ASB18: variants seen among roughly 807,000 people sequenced by gnomAD.
The protein encoded by ASB18 is ankyrin repeat and SOCS box containing 18, also known as ankyrin repeat and SOCS box protein 18.
A neutral mutation model predicts 33.4 loss-of-function variants in ASB18; 33 were observed. The observed-to-expected ratio is 0.99, with a 90% CI of 0.75 to 1.32. The LOEUF is 1.32. Ranked by LOEUF, ASB18 falls within the 40% of genes most tolerant of loss-of-function variation. The pLI, the probability that ASB18 is intolerant of heterozygous loss-of-function variation, is 0.00. For missense variants in ASB18, 694 were observed against 655.5 expected (o/e 1.06, Z -0.64); for synonymous variants, 295 against 307.6 (o/e 0.96, Z 0.43).
In ASB18 at chr2:236,193,723, G is replaced by A. The variant is rs1202407840; in HGVS notation, c.*1149C>T. Among the ~76,000 whole-genome samples the A allele has an allele frequency of 2.0e-5, 3 of 152,200 alleles. No homozygotes were observed. The highest frequency in any genetic ancestry group is 4.4e-5 in the Non-Finnish European group (3 of 68,040). On this transcript the variant is annotated 3_prime_UTR_variant, in exon 6 of 6. Coordinates refer to ENST00000409749, the MANE Select transcript of ASB18 (RefSeq NM_212556.4). This position sits in a 1 kb window ranked among gnomAD's most constrained non-coding sequence, Gnocchi z 5.0. ...AAGCAGGAGAATTGCTTGAACCTGG[G>A]AGGCGGAGGTTGCGGTGAGCCAAGA...
rs1387077818 is a variant in ASB18, at chr2:236,235,821, G to A, written c.596+1868C>T. Among the ~76,000 whole-genome samples the A allele has an allele frequency of 6.6e-6, 1 of 152,192 alleles. No homozygotes were observed. Among genetic ancestry groups the A allele is most frequent in the Non-Finnish European group, 1.5e-5 (1 of 68,040 alleles). The stretch of plus-strand genomic sequence containing the variant: ...CGATCCTCCCACCTCAGCCCCCTGA[G>A]TAGCTGGGATTACAGGTGCATGCCA... On this transcript the variant is annotated intron_variant, in intron 3 of 5. Coordinates refer to ENST00000409749, the MANE Select transcript of ASB18 (RefSeq NM_212556.4). This position sits in a 1 kb window ranked among gnomAD's most constrained non-coding sequence, Gnocchi z 6.2.
rs552493413 is a variant in ASB18 at position 236,224,808 on chromosome 2, C to T, written c.597-9942G>A. 7.2e-5 allele frequency among the ~76,000 whole-genome samples: 11 copies of T among 152,258 alleles called. No individual in the cohort carries two copies. In the South Asian group the frequency reaches 1.0e-3, roughly 14 times the overall value. ...AAATATTAAATCATCTATTGGGTGC[C>T]GCCTCTCTCTGACATCTCATTCTTC... On this transcript the variant is annotated intron_variant, in intron 3 of 5. Transcript: ENST00000409749.
rs1056537520 is a variant in ASB18 at position 236,241,449 on chromosome 2, A to G, written c.206-47T>C. ...ACTCCTGCACCGGGGACCCTGCTCT[A>G]GCTTGAGGATCCTTCTCTGTCTTTT... On this transcript the variant is annotated intron_variant, in intron 1 of 5. Coordinates refer to ENST00000409749, the MANE Select transcript of ASB18 (RefSeq NM_212556.4). This position sits in a 1 kb window ranked among gnomAD's most constrained non-coding sequence, Gnocchi z 4.2. 3 of 1,611,838 alleles carry G rather than the reference A, an allele frequency of 1.9e-6. No individual in the cohort carries two copies. The East Asian group carries it at 6.7e-5, about 36-fold the overall frequency.
At position 236,229,398 on chromosome 2, in the gene ASB18, A is replaced by G. The variant is rs905742732; in HGVS notation, c.596+8291T>C. Among the ~76,000 whole-genome samples the G allele has an allele frequency of 4.6e-5, 7 of 152,192 alleles. No individual in the cohort carries two copies. The highest frequency in any genetic ancestry group is 1.7e-4 in the African/African-American group (7 of 41,458). On this transcript the variant is annotated intron_variant, in intron 3 of 5. Coordinates refer to ENST00000409749, the MANE Select transcript of ASB18 (RefSeq NM_212556.4). The surrounding 1 kb of genome is among the most constrained non-coding windows in gnomAD (Gnocchi z 5.2). Reference sequence around the variant, plus strand: ...ACTGTGGAACAATCTTAAGTGGCATAGTATATGTATAATTGGAGTCCCTGA... The same window carrying G: ...ACTGTGGAACAATCTTAAGTGGCATGGTATATGTATAATTGGAGTCCCTGA...
chr2:236,236,491 A>G (rs913389326), intron 3 of ASB18, among the ~76,000 whole-genome samples: 2 of 152,146 alleles, frequency 1.3e-5, no homozygotes, highest in African/African-American at 4.8e-5. Context: ...GAATTTATCA[A>G]ATTGTACGCC....
At chr2:236,230,931 T>TA (rs2060561214) in intron 3 of ASB18, among the ~76,000 whole-genome samples, 1 of 151,964 alleles carries the variant, frequency 6.6e-6, no homozygotes, top group African/African-American at 2.4e-5. Flanking sequence ...CAGATTGGAT[T>TA]AAAAAAAGCA....
In ASB18 at chr2:236,241,399, T is replaced by TC. The variant is rs765716388; in HGVS notation, c.208dup (p.Asp70GlyfsTer21). 6.2e-7 allele frequency: 1 copy of TC among 1,613,838 alleles called. No homozygotes were observed. Among genetic ancestry groups the TC allele is most frequent in the African/African-American group, 1.3e-5 (1 of 75,004 alleles). Reference sequence around the variant, plus strand: ...CATGAGGGGCTTCAGATGGTCGAGGTCCCCTGCGACCAGGGCAGTGTGGTA... The same window carrying TC: ...CATGAGGGGCTTCAGATGGTCGAGGTCCCCCTGCGACCAGGGCAGTGTGGTA... On this transcript the variant is annotated frameshift_variant, in exon 2 of 6. Transcript: ENST00000409749. LOFTEE classifies it high-confidence loss of function. The surrounding 1 kb of genome is among the most constrained non-coding windows in gnomAD (Gnocchi z 4.2).
rs2060711121 is a variant in ASB18 at position 236,260,093 on chromosome 2, G to T, written c.205+4048C>A. On this transcript the variant is annotated intron_variant, in intron 1 of 5. Transcript: ENST00000409749. This position sits in a 1 kb window ranked among gnomAD's most constrained non-coding sequence, Gnocchi z 5.1. ...ATGGTGATTGCACTGCAAGAGGCAA[G>T]GTCCTCAAGTGATCATGTTAACATG... is the stretch of plus-strand genomic sequence containing the variant. Among the ~76,000 whole-genome samples the T allele has an allele frequency of 1.3e-5, 2 of 152,208 alleles. No individual in the cohort carries two copies. The highest frequency in any genetic ancestry group is 4.8e-5 in the African/African-American group (2 of 41,454).
At chr2:236,202,863 C>T (rs1363277221) in intron 4 of ASB18, among the ~76,000 whole-genome samples, 3 of 149,522 alleles carry the variant, frequency 2.0e-5, no homozygotes, top group African/African-American at 4.9e-5. Context: ...TTTTATGTTC[C>T]GGATATGCCA....
At chr2:236,207,246 T>A (rs1233133093) in intron 4 of ASB18, among the ~76,000 whole-genome samples, 2 of 152,242 alleles carry the variant, frequency 1.3e-5, no homozygotes, top group African/African-American at 4.8e-5. Context: ...TCTTTCTTTA[T>A]GAATCAACTC....
At position 236,237,989 on chromosome 2, in the gene ASB18, G is replaced by T; in HGVS notation, c.329-33C>A. Reference sequence around the variant, plus strand: ...GAGGGAGGTGGGATGTAAGGTCAGGGGGAGGTTAGTTGTGGTGGTGGTGGG... The same window carrying T: ...GAGGGAGGTGGGATGTAAGGTCAGGTGGAGGTTAGTTGTGGTGGTGGTGGG... On this transcript the variant is annotated intron_variant, in intron 2 of 5. Coordinates refer to ENST00000409749, the MANE Select transcript of ASB18 (RefSeq NM_212556.4). This position sits in a 1 kb window ranked among gnomAD's most constrained non-coding sequence, Gnocchi z 6.2. 1 of 1,450,506 alleles carries T rather than the reference G, an allele frequency of 6.9e-7. No individual in the cohort carries two copies. Among genetic ancestry groups the T allele is most frequent in the South Asian group, 1.3e-5 (1 of 75,100 alleles). 89.9% of individuals were successfully genotyped at this position (1,450,506 alleles called of 1,614,324 possible).
In ASB18 at chr2:236,257,629, G is replaced by C. The variant is rs1026626276; in HGVS notation, c.205+6512C>G. Among the ~76,000 whole-genome samples the C allele has an allele frequency of 6.6e-6, 1 of 152,156 alleles. No homozygotes were observed. The highest frequency in any genetic ancestry group is 1.5e-5 in the Non-Finnish European group (1 of 68,024). ...TTCACTGGGAAGTTTTTTCAGGGACGTTCCTGCAAAATGTCTCTGGGTGGG... is the reference window on the plus strand; with the variant it reads ...TTCACTGGGAAGTTTTTTCAGGGACCTTCCTGCAAAATGTCTCTGGGTGGG... On this transcript the variant is annotated intron_variant, in intron 1 of 5. Transcript: ENST00000409749. This position sits in a 1 kb window ranked among gnomAD's most constrained non-coding sequence, Gnocchi z 5.5.
In ASB18 at chr2:236,252,425, G is replaced by A. The variant is rs72976642; in HGVS notation, c.206-11023C>T. ...ATGGAGGTACAGGTGTTAAGATGGG[G>A]ATGCCTCAAATAAGGAATCAGAGTG... On this transcript the variant is annotated intron_variant, in intron 1 of 5. Transcript: ENST00000409749. This position sits in a 1 kb window ranked among gnomAD's most constrained non-coding sequence, Gnocchi z 7.9. Among the ~76,000 whole-genome samples the A allele has an allele frequency of 0.093, 14,197 of 152,150 alleles. 866 individuals are homozygous for A. The highest frequency in any genetic ancestry group is 0.23 in the Middle Eastern group (69 of 294).
rs1485825484 is a variant in ASB18, at chr2:236,221,319, A to G, written c.597-6453T>C. 6.6e-6 allele frequency among the ~76,000 whole-genome samples: 1 copy of G among 152,186 alleles called. No individual in the cohort carries two copies. The highest frequency in any genetic ancestry group is 1.9e-4 in the East Asian group (1 of 5,186). On this transcript the variant is annotated intron_variant, in intron 3 of 5. Coordinates refer to ENST00000409749, the MANE Select transcript of ASB18 (RefSeq NM_212556.4). This position sits in a 1 kb window ranked among gnomAD's most constrained non-coding sequence, Gnocchi z 5.6. ...TTTGTGTGTGAGTGGGGAAAGGGAC[A>G]TTGCTTCTGAACATTTTGTTAGTAA...
In ASB18 at chr2:236,245,723, C is replaced by G. The variant is rs572844445; in HGVS notation, c.206-4321G>C. 1.5e-4 allele frequency among the ~76,000 whole-genome samples: 23 copies of G among 152,286 alleles called. No individual in the cohort carries two copies. The highest frequency in any genetic ancestry group is 6.8e-3 in the Middle Eastern group (2 of 294). ...TGTCTGTGTCCCACTTCACCATGAG[C>G]TTTTTTGGAGGACGGTGGGGGCTGC... On this transcript the variant is annotated intron_variant, in intron 1 of 5. Transcript: ENST00000409749. The surrounding 1 kb of genome is among the most constrained non-coding windows in gnomAD (Gnocchi z 4.7).
Position 236,215,111 on chromosome 2 carries a change from G to C in ASB18, c.597-245C>G, listed in dbSNP as rs2060482060. ...TATGCCATAAGAATCCACGTGCAGA[G>C]TTACAATTTATAAGGAAATTTTAAC... On this transcript the variant is annotated intron_variant, in intron 3 of 5. Transcript: ENST00000409749. The surrounding 1 kb of genome is among the most constrained non-coding windows in gnomAD (Gnocchi z 7.2). Among the ~76,000 whole-genome samples, 1 of 151,924 alleles carries C rather than the reference G, an allele frequency of 6.6e-6. No individual in the cohort carries two copies. The highest frequency in any genetic ancestry group is 6.6e-5 in the Admixed American group (1 of 15,262).
At chr2:236,207,659 G>A (rs1006349883) in intron 4 of ASB18, among the ~76,000 whole-genome samples, 3 of 152,128 alleles carry the variant, frequency 2.0e-5, no homozygotes, top group African/African-American at 4.8e-5. Context: ...CCCCGTTCCC[G>A]GTTGGACGGT....
rs6431444 is a variant in ASB18, at chr2:236,249,524, A to G, written c.206-8122T>C. On this transcript the variant is annotated intron_variant, in intron 1 of 5. Coordinates refer to ENST00000409749, the MANE Select transcript of ASB18 (RefSeq NM_212556.4). This position sits in a 1 kb window ranked among gnomAD's most constrained non-coding sequence, Gnocchi z 4.6. ...GTTGTTCTGTGCACTGCTAGGGCCC[A>G]TGGGGTTTCAACGTCTATTCCAGGG... 0.26 allele frequency: 39,821 copies of G among 151,960 alleles called. 7,866 individuals are homozygous for G. Among genetic ancestry groups the G allele is most frequent in the African/African-American group, 0.56 (23,210 of 41,406 alleles). 9.4% of individuals were successfully genotyped at this position (151,960 alleles called of 1,614,324 possible).
chr2:236,236,294 G>C (rs2060588420), intron 3 of ASB18, among the ~76,000 whole-genome samples: 1 of 152,132 alleles, frequency 6.6e-6, no homozygotes, highest in Non-Finnish European at 1.5e-5. Context: ...AAAGACTGCA[G>C]ATTCCATTTA....
Sources: allele counts gnomAD v4.1 joint callset (sites outside exome capture counted in the v4.1 genomes callset), GRCh38; gene constraint gnomAD v4.1.1; non-coding constraint Gnocchi (gnomAD v3.1); transcripts MANE v1.5; gene names NCBI Gene and HGNC (gene_info 2026-07-23, HGNC 2026-07-21).